RP1: variants seen among roughly 807,000 people sequenced by gnomAD.
RP1 encodes RP1 axonemal microtubule associated.
Under a neutral mutation model 14.8 loss-of-function variants are expected in RP1, and 16 were observed. The ratio of observed to expected loss-of-function variants is 1.08; its 90% CI spans 0.73 to 1.65. RP1 has a LOEUF of 1.65. Among genes scored for constraint, RP1 ranks in the 40% most tolerant of loss-of-function variants. The pLI, the probability that RP1 is intolerant of heterozygous loss-of-function variation, is 0.00. For missense variants in RP1, 2,631 were observed against 2,535.0 expected (o/e 1.04, Z -0.81); for synonymous variants, 876 against 883.6 (o/e 0.99, Z 0.15).
chr8:54,665,881 CTCAAACCCCTT>C (rs905801297), intron 7 of RP1, among the ~76,000 whole-genome samples: 9 of 152,134 alleles, frequency 5.9e-5, no homozygotes, highest in Admixed American at 2.6e-4. Context: ...TAGGTGTACA[CTCAAACCCCTT>C]TCAAAGAAAA....
chr8:54,837,542 A>G, exon 25 of RP1: 1 of 1,231,772 alleles, frequency 8.1e-7, no homozygotes, highest in Non-Finnish European at 1.0e-6. Flanking sequence ...AAGAAGTTAG[A>G]CTTGAAAATA....
intron 1 of RP1, among the ~76,000 whole-genome samples, chr8:54,597,010 T>A (rs1255598112): frequency 6.6e-6 from 1 of 152,196 alleles, no homozygotes; most frequent in Non-Finnish European, 1.5e-5. Flanking sequence ...GACATAGCAA[T>A]GTCAAGGACA....
intron 19 of RP1, chr8:54,754,788 T>G: frequency 6.7e-7 from 1 of 1,482,716 alleles, no homozygotes; most frequent in Non-Finnish European, 8.9e-7. Context: ...TGGTCATTTT[T>G]TCTTCTAATT....
At chr8:54,604,950 T>C (rs1300207251) in intron 1 of RP1, among the ~76,000 whole-genome samples, 3 of 152,242 alleles carry the variant, frequency 2.0e-5, no homozygotes, top group Non-Finnish European at 4.4e-5. Flanking sequence ...TTAGTCTTGC[T>C]AGTGGTCTAT....
intron 22 of RP1, among the ~76,000 whole-genome samples, chr8:54,761,668 G>A (rs953577145): frequency 6.6e-5 from 10 of 151,942 alleles, no homozygotes; most frequent in Admixed American, 6.6e-4. Flanking sequence ...AAAATATATT[G>A]AACAATCCCA....
intron 22 of RP1, among the ~76,000 whole-genome samples, chr8:54,769,058 G>A (rs1444473811): frequency 2.6e-5 from 4 of 152,002 alleles, no homozygotes; most frequent in Non-Finnish European, 4.4e-5. Context: ...ACCACGCCCA[G>A]CTAATTTTTT....
At chr8:54,867,005 T>C (rs1396895) in intron 28 of RP1, among the ~76,000 whole-genome samples, 82,892 of 152,060 alleles carry the variant, frequency 0.55, 22,864 homozygotes, top group East Asian at 0.75. Flanking sequence ...GATTTAGAGA[T>C]AAAAAAGTAG....
At chr8:54,618,613 T>A (rs1805781250) in intron 1 of RP1, among the ~76,000 whole-genome samples, 1 of 152,214 alleles carries the variant, frequency 6.6e-6, no homozygotes, top group African/African-American at 2.4e-5. Context: ...TACACCAACC[T>A]AAAATATAAT....
In RP1 at chr8:54,710,237, G is replaced by A. The variant is rs891263230; in HGVS notation, c.2211+3582G>A. On this transcript the variant is annotated intron_variant, in intron 15 of 22. Coordinates refer to the RP1 transcript ENST00000636932. ...GTGCCCATTTTACTTAGCCTGCCCCGCTCAACCCTTCATGGGAGGGAGCAC... is the reference window on the plus strand; with the variant it reads ...GTGCCCATTTTACTTAGCCTGCCCCACTCAACCCTTCATGGGAGGGAGCAC... 3.9e-5 allele frequency among the ~76,000 whole-genome samples: 6 copies of A among 152,186 alleles called. No individual in the cohort carries two copies. The East Asian group carries it at 7.7e-4, about 20-fold the overall frequency.
intron 24 of RP1, among the ~76,000 whole-genome samples, chr8:54,808,489 T>C (rs1245423289): frequency 6.6e-6 from 1 of 152,162 alleles, no homozygotes; most frequent in Non-Finnish European, 1.5e-5. Flanking sequence ...GTTGCTAGCA[T>C]GTGGGGTACA....
chr8:54,840,922 A>C (rs2129404463), intron 25 of RP1, among the ~76,000 whole-genome samples: 1 of 152,336 alleles, frequency 6.6e-6, no homozygotes, highest in East Asian at 1.9e-4. Context: ...CATTTTTCTC[A>C]GGCTCTGACA....
chr8:54,804,762 G>T (rs1460081866), intron 24 of RP1, among the ~76,000 whole-genome samples: 2 of 152,132 alleles, frequency 1.3e-5, no homozygotes, highest in South Asian at 2.1e-4. Context: ...GCAAGGATTT[G>T]GGTAGAAACC....
chr8:54,693,417 C>A (rs1185757920), intron 12 of RP1, among the ~76,000 whole-genome samples: 6 of 152,094 alleles, frequency 3.9e-5, no homozygotes, highest in Non-Finnish European at 8.8e-5. Flanking sequence ...ACAGTATGGC[C>A]ATTTTCACAA....
intron 18 of RP1, among the ~76,000 whole-genome samples, chr8:54,735,165 T>A (rs896160456): frequency 2.0e-5 from 3 of 152,216 alleles, no homozygotes; most frequent in Admixed American, 1.3e-4. Context: ...TATAAAATTA[T>A]TTTTCATCTT....
intron 15 of RP1, among the ~76,000 whole-genome samples, chr8:54,715,777 A>T (rs978102601): frequency 6.6e-5 from 10 of 152,232 alleles, no homozygotes; most frequent in African/African-American, 1.9e-4. Context: ...GAGTTAACAG[A>T]TACTGAGTTT....
chr8:54,613,607 G>C (rs1315571257), upstream of RP1, among the ~76,000 whole-genome samples: 1 of 152,064 alleles, frequency 6.6e-6, no homozygotes, highest in Non-Finnish European at 1.5e-5. Context: ...ATAGATAAGG[G>C]GGCATATTGG....
intron 25 of RP1, chr8:54,852,476 A>C: frequency 1.2e-6 from 1 of 836,196 alleles, no homozygotes; most frequent in Non-Finnish European, 1.6e-6. Flanking sequence ...ATCATCAACT[A>C]GATGAAAGAA....
chr8:54,844,574 G>A (rs1159175838), intron 25 of RP1, among the ~76,000 whole-genome samples: 1 of 152,050 alleles, frequency 6.6e-6, no homozygotes, highest in Admixed American at 6.6e-5. Context: ...GTGTGCATGT[G>A]TAGACATGCT....
intron 1 of RP1, among the ~76,000 whole-genome samples, chr8:54,606,166 T>C (rs1805437065): frequency 6.6e-6 from 1 of 152,246 alleles, no homozygotes; most frequent in African/African-American, 2.4e-5. Context: ...GGCATGTTTT[T>C]GCAGTGGCTG....
Sources: gnomAD v4.1 joint callset for allele counts (sites outside exome capture counted in the v4.1 genomes callset) on GRCh38, gnomAD v4.1.1 for gene constraint, MANE v1.5 for transcripts, NCBI Gene and HGNC (gene_info 2026-07-23, HGNC 2026-07-21) for gene names.